GRM7: variants seen among roughly 807,000 people sequenced by gnomAD.
The protein encoded by GRM7 is metabotropic glutamate receptor 7.
A neutral mutation model predicts 84.5 loss-of-function variants in GRM7; 35 were observed. The ratio of observed to expected loss-of-function variants is 0.41; its 90% confidence interval spans 0.32 to 0.55. The LOEUF (loss-of-function observed/expected upper bound fraction) is 0.55, where lower values mean the gene tolerates loss of function less well. Among genes scored for constraint, GRM7 ranks in the 20% least tolerant of loss-of-function variants. The probability of loss-of-function intolerance (pLI) is 0.19; values close to 1 mark genes in which losing one functional copy is unlikely to be tolerated. For synonymous variants in GRM7, 487 were observed against 455.1 expected, an observed-to-expected ratio of 1.07 and a Z score of -0.89; for missense variants, 1,003 against 1,194.6, an observed-to-expected ratio of 0.84 and a Z score of 2.36.
At chr3:6,999,272 A>G (rs1310916279) in intron 1 of GRM7, among the ~76,000 whole-genome samples, 2 of 152,194 alleles carry the variant, frequency 1.3e-5, no homozygotes, top group Non-Finnish European at 2.9e-5. Flanking sequence ...TCTCCATGTG[A>G]GAACACCTCA....
At chr3:7,467,151 G>A (rs760475295) in intron 7 of GRM7, among the ~76,000 whole-genome samples, 1 of 151,998 alleles carries the variant, frequency 6.6e-6, no homozygotes, top group African/African-American at 2.4e-5. Flanking sequence ...GCAGTGGCGC[G>A]ATCTTGGCTC....
chr3:7,373,433 A>G (rs1694219313), intron 4 of GRM7, among the ~76,000 whole-genome samples: 1 of 152,174 alleles, frequency 6.6e-6, no homozygotes, highest in Non-Finnish European at 1.5e-5. Context: ...GCTAAGCTTT[A>G]ATCCCCCTTC....
At chr3:7,091,918 C>T (rs190739085) in intron 1 of GRM7, among the ~76,000 whole-genome samples, 1 of 151,522 alleles carries the variant, frequency 6.6e-6, no homozygotes, top group East Asian at 2.0e-4. Flanking sequence ...TGTAAGGAAT[C>T]ACATGGTATA....
intron 7 of GRM7, among the ~76,000 whole-genome samples, chr3:7,546,771 C>A (rs1693176168): frequency 6.6e-6 from 1 of 151,972 alleles, no homozygotes; most frequent in Non-Finnish European, 1.5e-5. Flanking sequence ...AGCATTTGCA[C>A]AATAAGAGCA....
intron 1 of GRM7, among the ~76,000 whole-genome samples, chr3:7,056,477 C>T (rs1444038591): frequency 6.6e-6 from 1 of 151,974 alleles, no homozygotes; most frequent in Non-Finnish European, 1.5e-5. Context: ...AGCTGAGTTA[C>T]CTGTCATAAG....
chr3:7,694,359 C>T lies in GRM7; in HGVS notation c.2698+14064C>T, dbSNP rs1045825117. ...ACTGGATTTTCTGTTTCTGTTTCCT[C>T]TAGGAAAGGATTTTGGAGATTCCCA... On this transcript the variant is annotated intron_variant, in intron 9 of 9. Transcript: ENST00000357716. 2.0e-5 allele frequency: 16 copies of T among 813,332 alleles called. 1 individual carries two copies. In the South Asian group the frequency reaches 8.5e-4, roughly 43 times the overall value. 50.4% of individuals were successfully genotyped at this position (813,332 alleles called of 1,614,324 possible).
At chr3:6,984,028 C>A (rs933387953) in intron 1 of GRM7, among the ~76,000 whole-genome samples, 1 of 152,152 alleles carries the variant, frequency 6.6e-6, no homozygotes, top group South Asian at 2.1e-4. Flanking sequence ...GACAGGGGAC[C>A]ACTTCCGTGG....
chr3:7,103,818 C>CTT lies in GRM7; in HGVS notation c.520-42633_520-42632insTT, dbSNP rs1201324152. On this transcript the variant is annotated intron_variant, in intron 1 of 9. Transcript: ENST00000357716. ...TCTTTCTTTCTTTCTTTCTTTCTTT[C>CTT]TCTCTCTCTCTGTCTCTCTCTCCCT... 2.8e-3 allele frequency among the ~76,000 whole-genome samples: 340 copies of CTT among 122,312 alleles called. 33 individuals carry two copies. The highest frequency in any genetic ancestry group is 0.012 in the African/African-American group (305 of 25,566). The allele number at this position is 122,312 out of a possible 152,430, so 80.2% of individuals were successfully genotyped here.
At chr3:7,123,099 G>A (rs1044356775) in intron 1 of GRM7, among the ~76,000 whole-genome samples, 10 of 152,210 alleles carry the variant, frequency 6.6e-5, no homozygotes, top group Non-Finnish European at 1.5e-4. Context: ...GTAAATGCAC[G>A]ATTCATGCAA....
intron 7 of GRM7, among the ~76,000 whole-genome samples, chr3:7,509,750 A>C (rs573481396): frequency 6.6e-6 from 1 of 152,300 alleles, no homozygotes; most frequent in East Asian, 1.9e-4. Context: ...TGAGTACGTG[A>C]CAAGCGGGGC....
chr3:7,613,035 CT>C (rs528198615), intron 8 of GRM7, among the ~76,000 whole-genome samples: 7,161 of 145,926 alleles, frequency 0.049, 483 homozygotes, highest in African/African-American at 0.15. Context: ...GTTTCCAAGT[CT>C]TTTTTTTTTT....
At chr3:7,084,389 T>C (rs1469445929) in intron 1 of GRM7, among the ~76,000 whole-genome samples, 2 of 152,138 alleles carry the variant, frequency 1.3e-5, no homozygotes, top group African/African-American at 4.8e-5. Context: ...AAAGTTCTGA[T>C]GCTGATCAAA....
chr3:7,372,417 C>T (rs1694177377), intron 4 of GRM7, among the ~76,000 whole-genome samples: 1 of 152,160 alleles, frequency 6.6e-6, no homozygotes, highest in African/African-American at 2.4e-5. Context: ...AAGTGAAGAA[C>T]ACTTAAGACA....
chr3:6,865,978 G>T (rs1339429168), intron 1 of GRM7, among the ~76,000 whole-genome samples: 1 of 152,160 alleles, frequency 6.6e-6, no homozygotes, highest in East Asian at 1.9e-4. Context: ...TGGTGAGTGG[G>T]AAATTTTTAA....
At chr3:7,679,845 T>G (rs1019959507) in intron 8 of GRM7, among the ~76,000 whole-genome samples, 6 of 152,356 alleles carry the variant, frequency 3.9e-5, no homozygotes, top group African/African-American at 1.2e-4. Flanking sequence ...GTGCATGGAT[T>G]GACCCAATAG....
intron 2 of GRM7, among the ~76,000 whole-genome samples, chr3:7,252,266 T>A (rs186265478): frequency 1.2e-4 from 19 of 152,296 alleles, no homozygotes; most frequent in Non-Finnish European, 1.9e-4. Context: ...TATGGGCAAT[T>A]AAGAGGCTGC....
At chr3:7,703,617 C>G (rs1219977269) in intron 9 of GRM7, among the ~76,000 whole-genome samples, 2 of 152,114 alleles carry the variant, frequency 1.3e-5, no homozygotes, top group Non-Finnish European at 2.9e-5. Context: ...TGCTTGAATA[C>G]TTCTAGTGAT....
chr3:7,618,800 G>T (rs1697230742), intron 8 of GRM7, among the ~76,000 whole-genome samples: 1 of 152,106 alleles, frequency 6.6e-6, no homozygotes, highest in Non-Finnish European at 1.5e-5. Context: ...GGCTGGAGGT[G>T]CTGACAACTG....
intron 7 of GRM7, among the ~76,000 whole-genome samples, chr3:7,478,518 C>A (rs3804950): frequency 1.3e-5 from 2 of 152,108 alleles, no homozygotes; most frequent in African/African-American, 2.4e-5. Context: ...TTTCTTTTTG[C>A]CAAGAGCATT....
Sources: gnomAD v4.1 joint callset for allele counts (sites outside exome capture counted in the v4.1 genomes callset) on GRCh38, gnomAD v4.1.1 for gene constraint, MANE v1.5 for transcripts, NCBI Gene and HGNC (gene_info 2026-07-23, HGNC 2026-07-21) for gene names.